Variants in DCDC1 observed in about 807,000 individuals in gnomAD.
DCDC1 encodes doublecortin domain-containing protein 1.
DCDC1 carries 200 observed loss-of-function variants against 178.3 expected under a neutral mutation model. That is an observed-to-expected ratio of 1.12 (90% CI 1.00 to 1.26). The LOEUF (loss-of-function observed/expected upper bound fraction) is 1.26, where lower values mean the gene tolerates loss of function less well. Among genes scored for constraint, DCDC1 ranks in the 50% most tolerant of loss-of-function variants. The pLI, the probability that DCDC1 is intolerant of heterozygous loss-of-function variation, is 0.00. For missense variants in DCDC1, 1,983 were observed against 1,749.2 expected (o/e 1.13, Z -2.38); for synonymous variants, 690 against 604.8 (o/e 1.14, Z -2.07).
chr11:31,340,606 C>T (rs1950495645), intron 1 of DCDC1, among the ~76,000 whole-genome samples: 1 of 151,372 alleles, frequency 6.6e-6, no homozygotes, highest in African/African-American at 2.4e-5. Context: ...AATGTGTAGA[C>T]TCTGAGTAAA....
intron 18 of DCDC1, among the ~76,000 whole-genome samples, chr11:31,068,416 T>C (rs530494212): frequency 3.9e-5 from 6 of 152,314 alleles, no homozygotes; most frequent in Admixed American, 1.3e-4. Context: ...AAGATGTCCA[T>C]TGCAGCATTG....
At chr11:30,971,723 C>G (rs1409102575) in intron 20 of DCDC1, among the ~76,000 whole-genome samples, 4 of 150,936 alleles carry the variant, frequency 2.7e-5, no homozygotes, top group African/African-American at 7.4e-5. Context: ...CATTCTCCTG[C>G]CTCAGCTTCC....
chr11:31,278,042 G>C (rs1334112316), intron 7 of DCDC1, among the ~76,000 whole-genome samples: 1 of 152,020 alleles, frequency 6.6e-6, no homozygotes, highest in Non-Finnish European at 1.5e-5. Context: ...TTTATAATAA[G>C]ATCTGTGATC....
chr11:31,290,090 G>A (rs1002603421), intron 7 of DCDC1, among the ~76,000 whole-genome samples: 2 of 151,966 alleles, frequency 1.3e-5, no homozygotes, highest in African/African-American at 4.8e-5. Flanking sequence ...ACACGCATTT[G>A]TATGACAAGT....
intron 20 of DCDC1, among the ~76,000 whole-genome samples, chr11:31,006,009 C>A (rs966920294): frequency 9.9e-5 from 14 of 140,978 alleles, no homozygotes; most frequent in Admixed American, 9.5e-4. Flanking sequence ...TCTTTATTTT[C>A]ACATAACCCA....
chr11:30,981,117 T>C (rs990246897), intron 20 of DCDC1, among the ~76,000 whole-genome samples: 23 of 152,138 alleles, frequency 1.5e-4, no homozygotes, highest in African/African-American at 5.6e-4. Flanking sequence ...ATGTTCTTAC[T>C]TGTAAGTGGG....
At chr11:31,090,052 C>T (rs1161011448) in intron 17 of DCDC1, among the ~76,000 whole-genome samples, 1 of 152,116 alleles carries the variant, frequency 6.6e-6, no homozygotes, top group Non-Finnish European at 1.5e-5. Flanking sequence ...GTCTAGTTTA[C>T]AGAACTCATT....
intron 1 of DCDC1, among the ~76,000 whole-genome samples, chr11:31,343,881 C>G (rs1591816374): frequency 6.6e-6 from 1 of 151,928 alleles, no homozygotes; most frequent in South Asian, 2.1e-4. Context: ...GATCATGGCA[C>G]TGCACTCCAG....
chr11:31,267,497 T>C (rs770101662), intron 7 of DCDC1, among the ~76,000 whole-genome samples: 1 of 152,206 alleles, frequency 6.6e-6, no homozygotes, highest in Non-Finnish European at 1.5e-5. Context: ...CAGCCAGGAA[T>C]ATTCTTGAGC....
At chr11:31,114,284 A>G (rs1234097515) in intron 11 of DCDC1, among the ~76,000 whole-genome samples, 3 of 152,188 alleles carry the variant, frequency 2.0e-5, no homozygotes, top group Non-Finnish European at 4.4e-5. Context: ...AAGAGACAAT[A>G]GGGTTAACCA....
At chr11:31,349,136 T>C (rs1023673491) in intron 1 of DCDC1, among the ~76,000 whole-genome samples, 1 of 152,206 alleles carries the variant, frequency 6.6e-6, no homozygotes, top group African/African-American at 2.4e-5. Context: ...TAGCTATAAT[T>C]GTACAACTAG....
intron 20 of DCDC1, among the ~76,000 whole-genome samples, chr11:31,034,972 G>A (rs1010087367): frequency 1.3e-5 from 2 of 152,172 alleles, no homozygotes; most frequent in Non-Finnish European, 2.9e-5. Context: ...ATTTATGGAG[G>A]ATGTTTTAGG....
intron 20 of DCDC1, among the ~76,000 whole-genome samples, chr11:30,986,079 G>T (rs1207005884): frequency 6.6e-6 from 1 of 152,010 alleles, no homozygotes; most frequent in Non-Finnish European, 1.5e-5. Flanking sequence ...GCCCAAGATT[G>T]TTATGACATT....
chr11:31,188,843 T>C (rs1371240792), intron 9 of DCDC1, among the ~76,000 whole-genome samples: 2 of 152,198 alleles, frequency 1.3e-5, no homozygotes, highest in East Asian at 1.9e-4. Context: ...AAAATTCATA[T>C]GTTGAAACCT....
chr11:31,221,748 C>T (rs1974297133), intron 9 of DCDC1, among the ~76,000 whole-genome samples: 1 of 152,166 alleles, frequency 6.6e-6, no homozygotes, highest in Admixed American at 6.5e-5. Context: ...TCAGCCACAC[C>T]TTTAGTGTTC....
At chr11:30,971,598 C>T (rs956800484) in intron 20 of DCDC1, among the ~76,000 whole-genome samples, 1 of 144,862 alleles carries the variant, frequency 6.9e-6, no homozygotes, top group African/African-American at 2.6e-5. Flanking sequence ...TAAAAACAGG[C>T]CTTTGTTTTT....
chr11:30,906,486 A>G, intron 30 of DCDC1, 54 bp downstream of exon 30: 3 of 1,541,644 alleles, frequency 1.9e-6, no homozygotes, highest in Non-Finnish European at 2.6e-6. Flanking sequence ...GAATGCATCA[A>G]AGTTTCCAAA....
chr11:31,022,501 T>C (rs751835455), intron 20 of DCDC1, among the ~76,000 whole-genome samples: 1 of 152,072 alleles, frequency 6.6e-6, no homozygotes. Flanking sequence ...CTTCAACATA[T>C]CTTTTGGGGA....
chr11:31,075,932 T>G (rs1331294306), intron 18 of DCDC1, among the ~76,000 whole-genome samples: 1 of 152,210 alleles, frequency 6.6e-6, no homozygotes, highest in African/African-American at 2.4e-5. Context: ...CGATCTTGAC[T>G]CACCACAACC....
Sources: allele counts gnomAD v4.1 joint callset (sites outside exome capture counted in the v4.1 genomes callset), GRCh38; gene constraint gnomAD v4.1.1; transcripts MANE v1.5; gene names NCBI Gene and HGNC (gene_info 2026-07-23, HGNC 2026-07-21).